The following PAPLN variants were observed in gnomAD, a reference collection of about 807,000 sequenced individuals.
PAPLN encodes the protein papilin.
A neutral mutation model predicts 159.0 loss-of-function variants in PAPLN; 146 were observed. The observed-to-expected ratio is 0.92, with a 90% confidence interval of 0.80 to 1.05. The LOEUF is 1.05. Ranked by LOEUF, PAPLN falls within the 50% of genes least tolerant of loss-of-function variation. PAPLN has a pLI of 0.00. For synonymous variants in PAPLN, 734 were observed against 702.9 expected (o/e 1.04, Z -0.70); for missense variants, 1,720 against 1,743.9 (o/e 0.99, Z 0.24).
Position 73,252,004 on chromosome 14 carries a change from C to T in PAPLN, c.844-14C>T. On this transcript the variant is annotated splice_polypyrimidine_tract_variant and intron_variant, in intron 9 of 26. Transcript: ENST00000644200. ...CCCCAGCAGCAGACCCCAACAAGGA[C>T]TCTCCCGTGACAGCTCATCAGCCAG... 1 of 1,598,404 alleles carries T rather than the reference C, an allele frequency of 6.3e-7. No individual in the cohort carries two copies.
At chr14:73,249,371 A>T (rs1233349464) in intron 5 of PAPLN, among the ~76,000 whole-genome samples, 1 of 152,182 alleles carries the variant, frequency 6.6e-6, no homozygotes, top group Non-Finnish European at 1.5e-5. Context: ...TTGATAATTT[A>T]TTTAAAGAGT....
intron 18 of PAPLN, 75 bp from the exon 19 acceptor site, chr14:73,262,275 G>A (rs531423711): frequency 3.5e-5 from 49 of 1,408,864 alleles, no homozygotes; most frequent in East Asian, 2.1e-4. Flanking sequence ...TTCCTGAGTC[G>A]GAGGCTGAGA....
chr14:73,244,414 G>A (rs1002441294), intron 2 of PAPLN: 67 of 467,908 alleles, frequency 1.4e-4, no homozygotes, highest in African/African-American at 1.2e-3. Flanking sequence ...TCCTGCTCCC[G>A]CCCTCCAGGC....
Position 73,262,587 on chromosome 14 carries a change from G to A in PAPLN, c.2483G>A (p.Gly828Asp). The A allele has an allele frequency of 6.4e-7, 1 of 1,561,424 alleles. No individual in the cohort carries two copies. ...GGAAGGAGCACCCACACGGATGGTG[G>A]CGGCAGCAGTCCTGCAGGCGAGCAG... ...ASGRSTHTDGGGSSPAGEQEP... is the reference protein window; with the variant it reads ...ASGRSTHTDGDGSSPAGEQEP... The change falls in exon 19 of 27, where the codon GGC becomes GAC. Residue 828 changes from glycine to aspartate, a missense_variant. Coordinates refer to ENST00000644200, the MANE Select transcript of PAPLN (RefSeq NM_001365906.3).
intron 11 of PAPLN, chr14:73,253,150 C>T (rs552894358): frequency 4.4e-5 from 60 of 1,376,046 alleles, no homozygotes; most frequent in Middle Eastern, 2.0e-4. Flanking sequence ...TGGCTTTGTT[C>T]GTGCACAAAG....
intron 6 of PAPLN, among the ~76,000 whole-genome samples, chr14:73,250,410 T>C (rs923064565): frequency 1.3e-5 from 2 of 152,288 alleles, no homozygotes; most frequent in Admixed American, 1.3e-4. Context: ...CGCAGGCGCA[T>C]GAATGAGGTG....
intron 15 of PAPLN, 91 bp downstream of exon 15, chr14:73,259,150 G>T (rs554210169): frequency 6.5e-7 from 1 of 1,529,460 alleles, no homozygotes; most frequent in Admixed American, 2.0e-5. Flanking sequence ...ACAGTTGGGT[G>T]CAGCCATGGT....
At chr14:73,253,337 C>T (rs1041322450) in intron 11 of PAPLN, 8 of 1,002,756 alleles carry the variant, frequency 8.0e-6, no homozygotes, top group Non-Finnish European at 1.1e-5. Flanking sequence ...TGCATGGGGC[C>T]ACAGGGCTGC....
chr14:73,245,411 T>A lies in PAPLN; in HGVS notation c.171-225T>A. ...TGCAGTGGAGTGGTCCCGCCTTAAA[T>A]CCAAACTATAGGGTGGGTAGGGCTC... On this transcript the variant is annotated intron_variant, in intron 3 of 26. Transcript: ENST00000644200. The surrounding 1 kb of genome is among the most constrained non-coding windows in gnomAD (Gnocchi z 4.2). 1.8e-6 allele frequency: 1 copy of A among 564,886 alleles called. No individual in the cohort carries two copies. Among genetic ancestry groups the A allele is most frequent in the Middle Eastern group, 4.3e-4 (1 of 2,332 alleles). The allele number at this position is 564,886 out of a possible 1,614,324, so 35.0% of individuals were successfully genotyped here. A position where few individuals can be genotyped will look rare whatever the true frequency, so the allele number is the denominator to read the frequency against.
chr14:73,260,495 C>T (rs951345976), intron 16 of PAPLN, among the ~76,000 whole-genome samples: 4 of 152,068 alleles, frequency 2.6e-5, no homozygotes, highest in Non-Finnish European at 2.9e-5. Context: ...TATTGTGTTA[C>T]GGCTGCCCTC....
chr14:73,249,517 T>C (rs1884983782), intron 5 of PAPLN, among the ~76,000 whole-genome samples: 1 of 151,830 alleles, frequency 6.6e-6, no homozygotes, highest in Non-Finnish European at 1.5e-5. Context: ...CTACTAAAAG[T>C]ACAAAACTTA....
Position 73,251,850 on chromosome 14 carries a change from TG to T in PAPLN, c.843+18del. The T allele has an allele frequency of 6.3e-7, 1 of 1,585,138 alleles. No individual in the cohort carries two copies. Among genetic ancestry groups the T allele is most frequent in the Non-Finnish European group, 8.6e-7 (1 of 1,168,504 alleles). On this transcript the variant is annotated intron_variant, in intron 9 of 26. Transcript: ENST00000644200. ...CTGGTCATCGAGGTAAATGGGGGTG[TG>T]GGGAGAGAGGGCGAGTGGGCAGCTC...
rs776335950 is a variant in PAPLN, at chr14:73,252,040, C to G, written c.866C>G (p.Pro289Arg). 3.1e-6 allele frequency: 5 copies of G among 1,611,568 alleles called. No homozygotes were observed. The highest frequency in any genetic ancestry group is 1.3e-5 in the African/African-American group (1 of 74,900). Residue 289 changes from proline (P) to arginine (R), a missense_variant, in exon 10 of 27, where the codon CCC becomes CGC. Transcript: ENST00000644200. ...VIELISQEPN[P>R]GVHYEYHLPL... ...CAGCTCATCAGCCAGGAGCCCAACC[C>G]CGGTGTGCACTATGAGTACCACCTG... is the stretch of plus-strand genomic sequence containing the variant.
At chr14:73,249,891 C>G in intron 5 of PAPLN, 93 bp from the exon 6 acceptor site, 1 of 1,406,908 alleles carries the variant, frequency 7.1e-7, no homozygotes, top group East Asian at 2.6e-5. Context: ...GGCTTTCTGA[C>G]CCATGCTTTC....
In PAPLN at chr14:73,244,594, G is replaced by A. The variant is rs765610382; in HGVS notation, c.55-50G>A. On this transcript the variant is annotated intron_variant, in intron 2 of 26. Transcript: ENST00000644200. ...CAGAGCATCTTTGGAGGGGCCTCTG[G>A]GCTCAGGCTGTGAGTGGGCAATGCT... 2.7e-6 allele frequency: 4 copies of A among 1,473,448 alleles called. No individual in the cohort carries two copies. The Admixed American group carries it at 7.9e-5, about 29-fold the overall frequency. The allele number at this position is 1,473,448 out of a possible 1,614,324, so 91.3% of individuals were successfully genotyped here. A position where few individuals can be genotyped will look rare whatever the true frequency, so the allele number is the denominator to read the frequency against.
intron 10 of PAPLN, 135 bp from the exon 11 acceptor site, chr14:73,252,514 C>A: frequency 8.3e-7 from 1 of 1,205,984 alleles, no homozygotes; most frequent in Non-Finnish European, 1.1e-6. Context: ...GATGTGGTGG[C>A]ACCTGCCTCG....
At chr14:73,258,741 G>A (rs555355122) in intron 14 of PAPLN, among the ~76,000 whole-genome samples, 5 of 151,968 alleles carry the variant, frequency 3.3e-5, no homozygotes, top group African/African-American at 4.8e-5. Context: ...CAGCCTGGGC[G>A]ACAGAGACCC....
At chr14:73,250,171 T>TG in intron 6 of PAPLN, 57 bp downstream of exon 6, 1 of 1,512,682 alleles carries the variant, frequency 6.6e-7, no homozygotes, top group Non-Finnish European at 8.8e-7. Context: ...TCAGTGCGGG[T>TG]GTTTCCCTGT....
upstream of PAPLN, among the ~76,000 whole-genome samples, chr14:73,237,149 G>C (rs533530022): frequency 6.6e-6 from 1 of 152,194 alleles, no homozygotes; most frequent in Non-Finnish European, 1.5e-5. Context: ...CTGAAGAATA[G>C]GATCCAGGGG....
Sources: gnomAD v4.1 joint callset for allele counts (sites outside exome capture counted in the v4.1 genomes callset) on GRCh38, gnomAD v4.1.1 for gene constraint, Gnocchi (gnomAD v3.1) non-coding constraint, MANE v1.5 for transcripts, NCBI Gene and HGNC (gene_info 2026-07-23, HGNC 2026-07-21) for gene names.